Variants in CX3CR1 observed in about 807,000 individuals in gnomAD.
The protein encoded by CX3CR1 is C-X3-C motif chemokine receptor 1.
For synonymous variants in CX3CR1, 168 were observed against 178.5 expected (o/e 0.94, Z 0.47); for missense variants, 363 against 432.4 (o/e 0.84, Z 1.42).
At position 39,264,148 on chromosome 3, in the gene CX3CR1, A is replaced by C. The variant is rs2040660800; in HGVS notation, c.*1294T>G. ...TCACTCTGTAGACTTGGGAGTGCTC[A>C]CTGGGTGCCATCGTAAGAACCAGCC... On this transcript the variant is annotated 3_prime_UTR_variant, in exon 2 of 2. Transcript: ENST00000399220. 1 of 152,236 alleles carries C rather than the reference A, an allele frequency of 6.6e-6. No individual in the cohort carries two copies. The highest frequency in any genetic ancestry group is 1.5e-5 in the Non-Finnish European group (1 of 68,076). The allele number at this position is 152,236 out of a possible 1,614,324, so 9.4% of individuals were successfully genotyped here.
intron 1 of CX3CR1, among the ~76,000 whole-genome samples, chr3:39,278,373 G>A (rs2040861023): frequency 6.6e-6 from 1 of 152,148 alleles, no homozygotes; most frequent in Admixed American, 6.5e-5. Flanking sequence ...GCCTTCCTGA[G>A]CCCATTTCTC....
At chr3:39,268,062 C>G (rs1219302589) in intron 1 of CX3CR1, among the ~76,000 whole-genome samples, 2 of 152,222 alleles carry the variant, frequency 1.3e-5, no homozygotes, top group South Asian at 2.1e-4. Flanking sequence ...AGTTTCCACG[C>G]CCCACTACAC....
upstream of CX3CR1, chr3:39,280,383 G>C (rs1013986136): frequency 9.1e-6 from 9 of 985,464 alleles, no homozygotes; most frequent in Non-Finnish European, 9.6e-6. Flanking sequence ...CCACGAGAGG[G>C]AGCCCAGAGT....
chr3:39,263,518 T>C lies in CX3CR1; in HGVS notation c.*1924A>G, dbSNP rs1181361681. The C allele has an allele frequency of 6.6e-6, 1 of 152,276 alleles. No homozygotes were observed. Among genetic ancestry groups the C allele is most frequent in the Non-Finnish European group, 1.5e-5 (1 of 68,048 alleles). The allele number at this position is 152,276 out of a possible 1,614,324, so 9.4% of individuals were successfully genotyped here. ...ATGGAAGTTCTATAAAATATGTATT[T>C]GCTAAACATTGGAAACAAGTTAAAT... On this transcript the variant is annotated 3_prime_UTR_variant, in exon 2 of 2. Transcript: ENST00000399220.
At chr3:39,274,482 A>AAC (rs1198448017) in intron 1 of CX3CR1, among the ~76,000 whole-genome samples, 1 of 1,708 alleles carries the variant, frequency 5.9e-4, no homozygotes, top group Non-Finnish European at 1.1e-3. Flanking sequence ...AACCACCACC[A>AAC]AAAAAAAAAA....
chr3:39,282,429 G>A (rs932625073), upstream of CX3CR1, among the ~76,000 whole-genome samples: 1 of 152,204 alleles, frequency 6.6e-6, no homozygotes, highest in Non-Finnish European at 1.5e-5. Flanking sequence ...TTGTTCACAA[G>A]TTCTTTGTCA....
Position 39,278,642 on chromosome 3 carries a change from T to A in CX3CR1, c.-10+1312A>T, listed in dbSNP as rs189353486. 3.9e-3 allele frequency among the ~76,000 whole-genome samples: 530 copies of A among 135,092 alleles called. 4 individuals carry two copies. Among genetic ancestry groups the A allele is most frequent in the African/African-American group, 0.014 (502 of 35,330 alleles). The allele number at this position is 135,092 out of a possible 152,430, so 88.6% of individuals were successfully genotyped here. ...TACCTCAAGTATTTCAAAAATTAAT[T>A]TTTTTTTCTTTTCTTTTTTTTTTTT... On this transcript the variant is annotated intron_variant, in intron 1 of 1. Transcript: ENST00000399220.
At chr3:39,270,673 G>C (rs1233262638) in intron 1 of CX3CR1, among the ~76,000 whole-genome samples, 1 of 152,194 alleles carries the variant, frequency 6.6e-6, no homozygotes, top group East Asian at 1.9e-4. Flanking sequence ...ATACACTGGT[G>C]GTGGTAATTA....
the CX3CR1 span, among the ~76,000 whole-genome samples, chr3:39,290,694 G>A: frequency 3.3e-5 from 5 of 152,112 alleles, no homozygotes; most frequent in African/African-American, 1.2e-4. Context: ...GGCCGAGGTG[G>A]GCAGATGACG....
chr3:39,269,229 T>A (rs975653855), intron 1 of CX3CR1, among the ~76,000 whole-genome samples: 1 of 152,114 alleles, frequency 6.6e-6, no homozygotes, highest in Non-Finnish European at 1.5e-5. Flanking sequence ...GAGGAAGGAA[T>A]GGGACAAATG....
chr3:39,280,578 G>T, upstream of CX3CR1: 2 of 593,680 alleles, frequency 3.4e-6, no homozygotes, highest in Non-Finnish European at 4.2e-6. Flanking sequence ...GGTACTGAAG[G>T]CATCTAGTGA....
chr3:39,268,638 G>T (rs955595495), intron 1 of CX3CR1, among the ~76,000 whole-genome samples: 1 of 152,138 alleles, frequency 6.6e-6, no homozygotes, highest in Admixed American at 6.5e-5. Context: ...AAATTGTCTC[G>T]CATCTCTTTA....
upstream of CX3CR1, among the ~76,000 whole-genome samples, chr3:39,284,795 G>A (rs935062450): frequency 3.3e-5 from 5 of 152,192 alleles, no homozygotes; most frequent in African/African-American, 1.2e-4. Flanking sequence ...GTCAGGATTG[G>A]AACTTCCTGC....
upstream of CX3CR1, among the ~76,000 whole-genome samples, chr3:39,283,868 T>G (rs2040928020): frequency 9.3e-6 from 1 of 107,586 alleles, no homozygotes; most frequent in African/African-American, 3.3e-5. Context: ...CAAAAAATAC[T>G]TAGAATAAAT....
At chr3:39,266,701 A>C (rs1349984364) in intron 1 of CX3CR1, 183 bp from the exon 2 acceptor site, 1 of 770,540 alleles carries the variant, frequency 1.3e-6, no homozygotes, top group Admixed American at 1.7e-5. Flanking sequence ...TGAAGACTGC[A>C]ACAGACTCTT....
At chr3:39,286,790 A>C in the CX3CR1 span, 1 of 152,088 alleles carries the variant, frequency 6.6e-6, no homozygotes, top group Non-Finnish European at 1.5e-5. Context: ...CAAGAATTTT[A>C]GACACCTCAG....
At chr3:39,288,288 C>G in the CX3CR1 span, among the ~76,000 whole-genome samples, 4 of 152,194 alleles carry the variant, frequency 2.6e-5, no homozygotes, top group Non-Finnish European at 5.9e-5. Context: ...TGCTCACTCA[C>G]TTGCCAGGTA....
At chr3:39,281,708 C>T, upstream of CX3CR1, 1 of 1,591,112 alleles carries the variant, frequency 6.3e-7, no homozygotes, top group Non-Finnish European at 8.5e-7. Context: ...TGGTTTAAGT[C>T]CACGGCCTGG....
At chr3:39,283,029 C>T (rs897098297), upstream of CX3CR1, among the ~76,000 whole-genome samples, 9 of 152,120 alleles carry the variant, frequency 5.9e-5, 1 homozygote, top group Admixed American at 2.0e-4. Flanking sequence ...GTAGCTGGAA[C>T]TACAGGCACA....
Sources: allele counts gnomAD v4.1 joint callset (sites outside exome capture counted in the v4.1 genomes callset), GRCh38; gene constraint gnomAD v4.1.1; transcripts MANE v1.5; gene names NCBI Gene and HGNC (gene_info 2026-07-23, HGNC 2026-07-21).